The following UGT2A1 variants were observed in gnomAD, a reference collection of about 807,000 sequenced individuals.
The protein encoded by UGT2A1 is UDP-glucuronosyltransferase 2A1.
UGT2A1 carries 61 observed loss-of-function variants against 45.4 expected under a neutral mutation model. The observed-to-expected ratio is 1.34, with a 90% CI of 1.09 to 1.66. UGT2A1 has a LOEUF of 1.66. Ranked by LOEUF, UGT2A1 falls within the 40% of genes most tolerant of loss-of-function variation. The pLI, the probability that UGT2A1 is intolerant of heterozygous loss-of-function variation, is 0.00. For synonymous variants in UGT2A1, 229 were observed against 196.2 expected (o/e 1.17, Z -1.40); for missense variants, 649 against 574.3 (o/e 1.13, Z -1.33).
At chr4:69,619,470 T>C (rs10010846) in intron 3 of UGT2A1, among the ~76,000 whole-genome samples, 52,246 of 151,546 alleles carry the variant, frequency 0.34, 9,273 homozygotes, top group African/African-American at 0.41. Context: ...AAAAGTAAAT[T>C]GCAGTCTTAC....
At chr4:69,642,818 C>A (rs898055005) in intron 2 of UGT2A1, among the ~76,000 whole-genome samples, 4 of 151,332 alleles carry the variant, frequency 2.6e-5, no homozygotes, top group Admixed American at 2.0e-4. Context: ...CACAAAAAAA[C>A]CTTGTTTTTA....
intron 3 of UGT2A1, among the ~76,000 whole-genome samples, chr4:69,607,183 A>ACTAACCAAAACCGCATG: frequency 7.4e-6 from 1 of 135,074 alleles, no homozygotes; most frequent in South Asian, 2.4e-4. Context: ...GCAAGGCTAC[A>ACTAACCAAAACCGCATG]GTAACCAAAA....
intron 3 of UGT2A1, among the ~76,000 whole-genome samples, chr4:69,620,237 T>C (rs575686709): frequency 2.0e-5 from 3 of 151,974 alleles, no homozygotes; most frequent in African/African-American, 2.4e-5. Flanking sequence ...GAAAACCCCA[T>C]AGTCTCAGCC....
At chr4:69,589,795 TG>T (rs1160058967) in intron 6 of UGT2A1, 144 bp from the exon 7 acceptor site, 18 of 1,259,934 alleles carry the variant, frequency 1.4e-5, no homozygotes, top group Middle Eastern at 4.6e-4. Flanking sequence ...CTTTGTTAGT[TG>T]TATAGGATTT....
chr4:69,607,872 ACCATCT>A (rs1719754107), intron 3 of UGT2A1, among the ~76,000 whole-genome samples: 1 of 152,228 alleles, frequency 6.6e-6, no homozygotes, highest in African/African-American at 2.4e-5. Flanking sequence ...ACAATGAGAT[ACCATCT>A]CACACCAGTT....
chr4:69,609,582 G>A (rs930619474), intron 3 of UGT2A1, among the ~76,000 whole-genome samples: 3 of 152,070 alleles, frequency 2.0e-5, no homozygotes, highest in African/African-American at 7.2e-5. Flanking sequence ...ATAGTTTGCA[G>A]AACAATGGGA....
chr4:69,607,155 C>T (rs1441537609), intron 3 of UGT2A1, among the ~76,000 whole-genome samples: 2 of 147,588 alleles, frequency 1.4e-5, no homozygotes, highest in African/African-American at 2.6e-5. Flanking sequence ...ATCACACTAC[C>T]TGACTTCAAA....
At chr4:69,596,493 ACTGT>A (rs1051172951) in intron 4 of UGT2A1, 18 of 1,316,872 alleles carry the variant, frequency 1.4e-5, no homozygotes, top group East Asian at 2.8e-5. Context: ...AAACTGTTGA[ACTGT>A]CTGTCTTCTG....
chr4:69,648,551 A>G (rs571959436), intron 1 of UGT2A1, among the ~76,000 whole-genome samples: 1 of 152,076 alleles, frequency 6.6e-6, no homozygotes, highest in Admixed American at 6.6e-5. Context: ...ACTCTTTAAC[A>G]CGTTAATTTC....
intron 3 of UGT2A1, among the ~76,000 whole-genome samples, chr4:69,623,165 C>T (rs1290090262): frequency 6.6e-6 from 1 of 151,818 alleles, no homozygotes; most frequent in Admixed American, 6.6e-5. Flanking sequence ...AGTCCATCCT[C>T]TTCCATCTGT....
chr4:69,644,570 T>G (rs188607431), intron 2 of UGT2A1, among the ~76,000 whole-genome samples: 280 of 151,854 alleles, frequency 1.8e-3, no homozygotes, highest in African/African-American at 6.5e-3. Context: ...TCTGCTTTCT[T>G]TTAAGATCTA....
chr4:69,602,339 TA>T lies in UGT2A1; in HGVS notation c.848-2946del, dbSNP rs780597981. ...AAATGTAACCTTTATGTTAAAATAGTAAGAGCATTCTTATCAAGACGAAAAA... is the reference window on the plus strand; with the variant it reads ...AAATGTAACCTTTATGTTAAAATAGTAGAGCATTCTTATCAAGACGAAAAA... On this transcript the variant is annotated intron_variant, in intron 3 of 6. Coordinates refer to ENST00000286604, the MANE Select transcript of UGT2A1 (RefSeq NM_001252275.3). 5.1e-5 allele frequency among the ~76,000 whole-genome samples: 7 copies of T among 137,474 alleles called. 1 individual carries two copies. The highest frequency in any genetic ancestry group is 9.3e-5 in the Non-Finnish European group (6 of 64,362). 90.2% of individuals were successfully genotyped at this position (137,474 alleles called of 152,430 possible).
chr4:69,646,944 T>G lies in UGT2A1; in HGVS notation c.701A>C (p.Tyr234Ser). 1 of 1,586,562 alleles carries G rather than the reference T, an allele frequency of 6.3e-7. No individual in the cohort carries two copies. Among genetic ancestry groups the G allele is most frequent in the Non-Finnish European group, 8.6e-7 (1 of 1,169,458 alleles). Residue 234 changes from tyrosine (Y) to serine (S), a missense_variant, in exon 2 of 7, where the codon TAT becomes TCT. Physicochemically the swap from Tyr to Ser is moderately radical, Grantham distance 144. Coordinates refer to ENST00000286604, the MANE Select transcript of UGT2A1 (RefSeq NM_001252275.3). ...TTGTTACATACCTAAAGCTTTACTA[T>G]AGTATGAATCCCATGATTTCCAAAG... ...ETLWKSWDSYYSKALGGLLLC... is the reference protein window; with the variant it reads ...ETLWKSWDSYSSKALGGLLLC...
intron 2 of UGT2A1, among the ~76,000 whole-genome samples, chr4:69,637,078 T>A (rs1577999358): frequency 6.6e-6 from 1 of 152,280 alleles, no homozygotes; most frequent in East Asian, 1.9e-4. Flanking sequence ...ACATTTCAAA[T>A]GTCTTGAGAC....
At position 69,631,608 on chromosome 4, in the gene UGT2A1, A is replaced by G. The variant is rs1035592308; in HGVS notation, c.847+4083T>C. On this transcript the variant is annotated intron_variant, in intron 3 of 6. Coordinates refer to ENST00000286604, the MANE Select transcript of UGT2A1 (RefSeq NM_001252275.3). ...TTTGAGATGAGAAGCCATAACTTCA[A>G]TGTAGTCAGATATTTGTGTATCTAA... is the stretch of plus-strand genomic sequence containing the variant. 2.6e-5 allele frequency among the ~76,000 whole-genome samples: 4 copies of G among 152,210 alleles called. No homozygotes were observed. The East Asian group carries it at 7.7e-4, about 29-fold the overall frequency.
intron 4 of UGT2A1, chr4:69,596,346 A>G (rs1461503122): frequency 6.2e-7 from 1 of 1,605,094 alleles, no homozygotes. Context: ...CCACAACACC[A>G]TTTTTACCTG....
chr4:69,603,587 GAGA>G (rs1305562285), intron 3 of UGT2A1: 1 of 137,094 alleles, frequency 7.3e-6, no homozygotes, highest in African/African-American at 3.0e-5. Context: ...GACGAGCTGA[GAGA>G]AGAAGGCTTC....
At chr4:69,602,862 T>C (rs1479851957) in intron 3 of UGT2A1, among the ~76,000 whole-genome samples, 2 of 135,388 alleles carry the variant, frequency 1.5e-5, no homozygotes, top group Non-Finnish European at 3.1e-5. Context: ...GGTCAGGAGT[T>C]CAAGACCAGT....
At chr4:69,639,082 T>C in intron 2 of UGT2A1, 1 of 1,613,470 alleles carries the variant, frequency 6.2e-7, no homozygotes, top group Admixed American at 1.7e-5. Context: ...CTCTCCACTG[T>C]TGATGCTGGA....
Sources: gnomAD v4.1 joint callset for allele counts (sites outside exome capture counted in the v4.1 genomes callset) on GRCh38, gnomAD v4.1.1 for gene constraint, MANE v1.5 for transcripts, NCBI Gene and HGNC (gene_info 2026-07-23, HGNC 2026-07-21) for gene names.